NUP214: variants seen among roughly 807,000 people sequenced by gnomAD.
NUP214 encodes the protein nuclear pore complex protein Nup214.
NUP214 carries 79 observed loss-of-function variants against 196.2 expected under a neutral mutation model. That is an observed-to-expected ratio of 0.40 (90% CI 0.34 to 0.49). The LOEUF (loss-of-function observed/expected upper bound fraction) is 0.49. NUP214 is among the 20% of genes least tolerant of loss of function. The pLI, the probability that NUP214 is intolerant of heterozygous loss-of-function variation, is 0.58. For synonymous variants in NUP214, 1,020 were observed against 990.5 expected (o/e 1.03, Z -0.56); for missense variants, 2,468 against 2,539.0 (o/e 0.97, Z 0.60).
At chr9:131,196,683 C>T (rs968529348) in intron 28 of NUP214, among the ~76,000 whole-genome samples, 9 of 152,144 alleles carry the variant, frequency 5.9e-5, no homozygotes, top group African/African-American at 1.9e-4. Flanking sequence ...TGTCCTTGAC[C>T]ACCAGACCGT....
chr9:131,192,505 A>C (rs1833635930), intron 27 of NUP214: 1 of 387,104 alleles, frequency 2.6e-6, no homozygotes, highest in Non-Finnish European at 4.6e-6. Flanking sequence ...TTTGTTACAT[A>C]TTTGTGTATC....
chr9:131,156,574 CT>C (rs547605944), intron 17 of NUP214, among the ~76,000 whole-genome samples: 797 of 125,832 alleles, frequency 6.3e-3, no homozygotes, highest in Non-Finnish European at 0.01. Flanking sequence ...TTTTTTTGTT[CT>C]TTTTTTTTTT....
intron 23 of NUP214, among the ~76,000 whole-genome samples, chr9:131,177,214 A>G (rs1371213061): frequency 6.6e-6 from 1 of 152,254 alleles, no homozygotes; most frequent in Non-Finnish European, 1.5e-5. Flanking sequence ...TCAAATATTA[A>G]AACCTTTATT....
At chr9:131,136,082 C>T (rs1831718678) in intron 9 of NUP214, 76 bp downstream of exon 9, 3 of 1,269,924 alleles carry the variant, frequency 2.4e-6, no homozygotes, top group Admixed American at 1.8e-5. Context: ...GCTCTGTTGT[C>T]CAGGCTGGAG....
intron 21 of NUP214, among the ~76,000 whole-genome samples, chr9:131,172,043 A>G (rs527506570): frequency 7.9e-5 from 12 of 151,924 alleles, no homozygotes; most frequent in African/African-American, 2.4e-4. Flanking sequence ...TAGCAGCATG[A>G]TTTATAGTCC....
rs752962390 is a variant in NUP214 at position 131,174,120 on chromosome 9, A to G, written c.2959A>G (p.Thr987Ala). ...YYEDLDEVSS[T>A]SSVSQSLESE... ...TGAAGACTTGGATGAAGTCAGCTCA[A>G]CGTCATCTGTCTCCCAGTCTCTGGA... The change falls in exon 22 of 36, where the codon ACG becomes GCG. Residue 987 changes from threonine (T) to alanine (A), a missense_variant. This residue lies in a region of NUP214 where 1,801 missense variants were observed against 1,779.4 expected (regional missense o/e 1.01). Coordinates refer to ENST00000359428, the MANE Select transcript of NUP214 (RefSeq NM_005085.4). 79 of 1,613,890 alleles carry G rather than the reference A, an allele frequency of 4.9e-5. 1 individual carries two copies. In the East Asian group the frequency reaches 6.9e-4, roughly 14 times the overall value.
intron 25 of NUP214, among the ~76,000 whole-genome samples, chr9:131,187,741 CTG>C (rs150340976): frequency 0.011 from 1,658 of 152,284 alleles, 28 homozygotes; most frequent in African/African-American, 0.038. Context: ...GAAGACCATA[CTG>C]TTTTTAAGTC....
intron 21 of NUP214, among the ~76,000 whole-genome samples, chr9:131,171,866 C>G (rs1036984635): frequency 6.6e-6 from 1 of 152,064 alleles, no homozygotes; most frequent in Non-Finnish European, 1.5e-5. Flanking sequence ...ATCCATGTCC[C>G]TACAAAGGAC....
intron 9 of NUP214, among the ~76,000 whole-genome samples, chr9:131,137,221 A>G (rs1831756422): frequency 6.6e-6 from 1 of 152,218 alleles, no homozygotes; most frequent in Admixed American, 6.5e-5. Flanking sequence ...ATTTATGTTC[A>G]TGTTTTTGAA....
At chr9:131,178,710 T>C (rs1240542462) in intron 24 of NUP214, among the ~76,000 whole-genome samples, 1 of 151,440 alleles carries the variant, frequency 6.6e-6, no homozygotes, top group East Asian at 1.9e-4. Flanking sequence ...TTGATTTTTT[T>C]TTTTTTTTTA....
At chr9:131,187,596 A>G (rs1217900263) in intron 25 of NUP214, among the ~76,000 whole-genome samples, 3 of 152,270 alleles carry the variant, frequency 2.0e-5, no homozygotes, top group Admixed American at 6.5e-5. Context: ...CGCGTTGGCC[A>G]GGCTAGTCTC....
intron 21 of NUP214, among the ~76,000 whole-genome samples, chr9:131,167,972 C>A (rs1564192927): frequency 6.6e-6 from 1 of 152,216 alleles, no homozygotes; most frequent in Non-Finnish European, 1.5e-5. Context: ...GCAGCCCCAA[C>A]CTCCGTGGCT....
At chr9:131,223,060 C>T (rs1295534295) in intron 32 of NUP214, 130 bp downstream of exon 32, 8 of 722,236 alleles carry the variant, frequency 1.1e-5, no homozygotes, top group African/African-American at 9.1e-5. Flanking sequence ...TTAACTGTTT[C>T]CTCCGCATTA....
At chr9:131,166,142 T>A (rs1019275406) in intron 21 of NUP214, among the ~76,000 whole-genome samples, 10 of 152,306 alleles carry the variant, frequency 6.6e-5, no homozygotes, top group Admixed American at 6.5e-4. Context: ...TTTTAAAAAT[T>A]GGAAAAAAGA....
At chr9:131,157,558 G>A (rs1301282888) in intron 17 of NUP214, among the ~76,000 whole-genome samples, 1 of 147,292 alleles carries the variant, frequency 6.8e-6, no homozygotes, top group Non-Finnish European at 1.5e-5. Flanking sequence ...TCAGCCTCCT[G>A]GGTTCATGTA....
chr9:131,134,413 T>A (rs868644702), intron 7 of NUP214, among the ~76,000 whole-genome samples: 4 of 152,214 alleles, frequency 2.6e-5, no homozygotes, highest in South Asian at 4.1e-4. Flanking sequence ...TGTTTTTAAC[T>A]CTTTTGGATT....
intron 8 of NUP214, chr9:131,135,279 T>G (rs1021568632): frequency 5.3e-5 from 19 of 358,588 alleles, no homozygotes; most frequent in Middle Eastern, 7.5e-4. Flanking sequence ...TTGGTTTTTG[T>G]TTTTTGTTTT....
At chr9:131,204,785 C>G (rs1323100650) in intron 30 of NUP214, among the ~76,000 whole-genome samples, 1 of 152,194 alleles carries the variant, frequency 6.6e-6, no homozygotes, top group Non-Finnish European at 1.5e-5. Flanking sequence ...TCCACAGATT[C>G]AGAAGCCCAA....
At position 131,144,541 on chromosome 9, in the gene NUP214, C is replaced by G; in HGVS notation, c.1556C>G (p.Thr519Ser). The change falls in exon 12 of 36, where the codon ACC becomes AGC. Residue 519 changes from threonine (T) to serine (S), a missense_variant. By Grantham distance (58) the Thr-to-Ser change is moderately conservative. Around this residue, in one of 5 missense-constraint regions of NUP214, gnomAD observed 1,801 missense variants for 1,779.4 expected, o/e 1.01. Transcript: ENST00000359428. ...GCAGCCCCAGGCCCTGGCCCATCAACCTTCTCTTTTGTTCCCCCTTCTAAA... is the reference window on the plus strand; with the variant it reads ...GCAGCCCCAGGCCCTGGCCCATCAAGCTTCTCTTTTGTTCCCCCTTCTAAA... The part of the protein sequence containing the change: ...SKAAPGPGPS[T>S]FSFVPPSKAS... 6.2e-7 allele frequency: 1 copy of G among 1,614,152 alleles called. No homozygotes were observed. Among genetic ancestry groups the G allele is most frequent in the Admixed American group, 1.7e-5 (1 of 60,022 alleles).
Sources: gnomAD v4.1 joint callset for allele counts (sites outside exome capture counted in the v4.1 genomes callset) on GRCh38, gnomAD v4.1.1 for gene constraint, gnomAD v4.1.1 regional missense constraint, MANE v1.5 for transcripts, NCBI Gene and HGNC (gene_info 2026-07-23, HGNC 2026-07-21) for gene names.